The following CTDSPL2 variants were observed in gnomAD, a reference collection of about 807,000 sequenced individuals.
CTDSPL2 encodes CTD small phosphatase-like protein 2.
A neutral mutation model predicts 60.0 loss-of-function variants in CTDSPL2; 5 were observed. The observed-to-expected ratio is 0.08, with a 90% CI of 0.04 to 0.18. CTDSPL2 has a LOEUF of 0.18. CTDSPL2 is among the 10% of genes least tolerant of loss of function. The pLI, the probability that CTDSPL2 is intolerant of heterozygous loss-of-function variation, is 1.00. For synonymous variants in CTDSPL2, 186 were observed against 189.3 expected, an observed-to-expected ratio of 0.98 and a Z score of 0.14; for missense variants, 370 against 548.8, an observed-to-expected ratio of 0.67 and a Z score of 3.26.
intron 2 of CTDSPL2, among the ~76,000 whole-genome samples, chr15:44,466,129 G>T (rs1375892608): frequency 1.3e-5 from 2 of 151,756 alleles, no homozygotes; most frequent in African/African-American, 4.8e-5. Flanking sequence ...TAGAGACGGG[G>T]TTTCACCATG....
At chr15:44,513,132 G>A (rs1391275795) in intron 8 of CTDSPL2, among the ~76,000 whole-genome samples, 2 of 151,742 alleles carry the variant, frequency 1.3e-5, no homozygotes, top group East Asian at 1.9e-4. Flanking sequence ...CCCAGAGATG[G>A]GGACAGAGTG....
intron 11 of CTDSPL2, 101 bp downstream of exon 11, chr15:44,519,396 C>T: frequency 9.8e-7 from 1 of 1,024,782 alleles, no homozygotes; most frequent in Non-Finnish European, 1.4e-6. Context: ...AGAATTTTCA[C>T]TGGTGGAATT....
intron 1 of CTDSPL2, among the ~76,000 whole-genome samples, chr15:44,456,319 C>G (rs1035828281): frequency 4.6e-5 from 7 of 152,138 alleles, no homozygotes; most frequent in Non-Finnish European, 1.0e-4. Context: ...AGGAATGGTA[C>G]CAGCTCCTAC....
At chr15:44,455,840 T>C (rs1489641973) in intron 1 of CTDSPL2, among the ~76,000 whole-genome samples, 1 of 23,300 alleles carries the variant, frequency 4.3e-5, no homozygotes, top group Non-Finnish European at 7.0e-5. Flanking sequence ...TTATTGAGGA[T>C]TTTTTTTTTT....
chr15:44,501,737 T>C (rs975336144), intron 8 of CTDSPL2, among the ~76,000 whole-genome samples: 10 of 152,204 alleles, frequency 6.6e-5, no homozygotes, highest in African/African-American at 2.4e-4. Flanking sequence ...GATTGCACTT[T>C]AATACGATTT....
At chr15:44,471,340 T>C (rs1240300140) in intron 2 of CTDSPL2, among the ~76,000 whole-genome samples, 1 of 152,230 alleles carries the variant, frequency 6.6e-6, no homozygotes, top group Non-Finnish European at 1.5e-5. Flanking sequence ...ATGCTTAACT[T>C]CTTTGTAGCA....
chr15:44,514,062 A>AT (rs2081611032), intron 8 of CTDSPL2, among the ~76,000 whole-genome samples: 1 of 152,208 alleles, frequency 6.6e-6, no homozygotes. Context: ...AGGAAGATTG[A>AT]TTTCTGAAAA....
intron 10 of CTDSPL2, among the ~76,000 whole-genome samples, chr15:44,517,751 C>T (rs1006256412): frequency 1.3e-5 from 2 of 152,200 alleles, no homozygotes; most frequent in Non-Finnish European, 2.9e-5. Flanking sequence ...GGTGAAGAGG[C>T]ATCAACAGTG....
chr15:44,511,420 C>T (rs2081562838), intron 8 of CTDSPL2, among the ~76,000 whole-genome samples: 1 of 152,190 alleles, frequency 6.6e-6, no homozygotes. Context: ...GTTCCACTTA[C>T]TATGGCTGGA....
chr15:44,487,028 A>G (rs974069729), intron 4 of CTDSPL2, among the ~76,000 whole-genome samples: 24 of 152,240 alleles, frequency 1.6e-4, no homozygotes, highest in African/African-American at 5.8e-4. Flanking sequence ...TCGGATTCCC[A>G]AAGTGCTGGA....
chr15:44,504,765 T>C (rs2081432486), intron 8 of CTDSPL2, among the ~76,000 whole-genome samples: 1 of 151,606 alleles, frequency 6.6e-6, no homozygotes, highest in Non-Finnish European at 1.5e-5. Context: ...AGCTACTCGA[T>C]AGGCTGAGGC....
At chr15:44,479,384 C>T (rs1028245158) in intron 2 of CTDSPL2, among the ~76,000 whole-genome samples, 1 of 140,984 alleles carries the variant, frequency 7.1e-6, no homozygotes, top group African/African-American at 2.6e-5. Flanking sequence ...TCTTCCTCTG[C>T]TGTATGTCTC....
chr15:44,449,147 C>A, intron 1 of CTDSPL2: 1 of 306,428 alleles, frequency 3.3e-6, no homozygotes. Flanking sequence ...GGATAGTAAT[C>A]ATTTCTGGGC....
Position 44,485,334 on chromosome 15 carries a change from A to T in CTDSPL2, c.325+972A>T, listed in dbSNP as rs988272454. ...AATAGCATTAAGGAAAAGCAGAGAC[A>T]GCTATAAAGAATAACACTTTAGAGC... On this transcript the variant is annotated intron_variant, in intron 3 of 12. Transcript: ENST00000260327. Among the ~76,000 whole-genome samples, 4 of 152,262 alleles carry T rather than the reference A, an allele frequency of 2.6e-5. No individual in the cohort carries two copies. The South Asian group carries it at 8.3e-4, about 31-fold the overall frequency.
chr15:44,446,716 A>G lies in CTDSPL2; in HGVS notation c.-24-12275A>G, dbSNP rs572760830. 1.7e-4 allele frequency among the ~76,000 whole-genome samples: 25 copies of G among 150,622 alleles called. No homozygotes were observed. In the South Asian group the frequency reaches 4.8e-3, roughly 29 times the overall value. ...GAAGAGGGAACAGGCAAAAAAAAAA[A>G]AGAGAGAAAGAGAAAGGGAAATTGG... On this transcript the variant is annotated intron_variant, in intron 1 of 12. Coordinates refer to ENST00000260327, the MANE Select transcript of CTDSPL2 (RefSeq NM_016396.3).
At chr15:44,456,464 T>G (rs1478378508) in intron 1 of CTDSPL2, among the ~76,000 whole-genome samples, 1 of 152,222 alleles carries the variant, frequency 6.6e-6, no homozygotes, top group Non-Finnish European at 1.5e-5. Context: ...CCTGGTTTAG[T>G]CTTGGGAGGG....
Position 44,441,749 on chromosome 15 carries a change from G to GT in CTDSPL2, c.-25+13984dup, listed in dbSNP as rs531519251. On this transcript the variant is annotated intron_variant, in intron 1 of 12. Coordinates refer to ENST00000260327, the MANE Select transcript of CTDSPL2 (RefSeq NM_016396.3). ...AGGTTCAATTTTGTAGTTTATTCAT[G>GT]TTTTTTTGTTGTTAGGCTGGTGGTG... Among the ~76,000 whole-genome samples, 58 of 152,168 alleles carry GT rather than the reference G, an allele frequency of 3.8e-4. 1 individual carries two copies. The East Asian group carries it at 7.9e-3, about 21-fold the overall frequency.
chr15:44,456,201 C>T (rs987637136), intron 1 of CTDSPL2, among the ~76,000 whole-genome samples: 33 of 152,226 alleles, frequency 2.2e-4, no homozygotes, highest in African/African-American at 7.7e-4. Flanking sequence ...GTCTAAAATT[C>T]TCTTTTTTTG....
intron 1 of CTDSPL2, among the ~76,000 whole-genome samples, chr15:44,430,264 T>C (rs1379566877): frequency 6.6e-6 from 1 of 151,048 alleles, no homozygotes; most frequent in African/African-American, 2.4e-5. Flanking sequence ...TAAAATGGCA[T>C]TTATTTTTAT....
Sources: gnomAD v4.1 joint callset for allele counts (sites outside exome capture counted in the v4.1 genomes callset) on GRCh38, gnomAD v4.1.1 for gene constraint, MANE v1.5 for transcripts, NCBI Gene and HGNC (gene_info 2026-07-23, HGNC 2026-07-21) for gene names.